Variants in SCAI observed in about 807,000 individuals in gnomAD.
SCAI encodes suppressor of cancer cell invasion.
SCAI carries 24 observed loss-of-function variants against 92.2 expected under a neutral mutation model. The observed-to-expected ratio is 0.26, with a 90% confidence interval of 0.19 to 0.37. The LOEUF is 0.37. SCAI is among the 10% of genes least tolerant of loss of function. SCAI has a pLI of 1.00. For synonymous variants in SCAI, 261 were observed against 258.6 expected, an observed-to-expected ratio of 1.01 and a Z score of -0.09; for missense variants, 450 against 736.2, an observed-to-expected ratio of 0.61 and a Z score of 4.50.
chr9:125,006,905 G>A (rs1176337722), intron 9 of SCAI, among the ~76,000 whole-genome samples: 1 of 152,160 alleles, frequency 6.6e-6, no homozygotes, highest in Non-Finnish European at 1.5e-5. Context: ...AATCACCTAA[G>A]GTCAGGAGTT....
At chr9:125,138,755 G>A (rs894897507) in intron 2 of SCAI, among the ~76,000 whole-genome samples, 13 of 151,974 alleles carry the variant, frequency 8.6e-5, no homozygotes, top group African/African-American at 2.9e-4. Flanking sequence ...CTCCATGTTG[G>A]TCAGGCTGGT....
In SCAI at chr9:125,136,572, C is replaced by T. The variant is rs547240659; in HGVS notation, c.98+6061G>A. ...GCCTCCCAGGTTGAAGCGATTCTCC[C>T]GCCCCAGCCTCCTGAGTAGCTAGGA... On this transcript the variant is annotated intron_variant, in intron 2 of 17. Transcript: ENST00000336505. 1.5e-3 allele frequency among the ~76,000 whole-genome samples: 230 copies of T among 150,536 alleles called. 1 individual carries two copies. Among genetic ancestry groups the T allele is most frequent in the South Asian group, 4.2e-3 (20 of 4,736 alleles).
chr9:124,958,750 C>A (rs28580333), intron 17 of SCAI, among the ~76,000 whole-genome samples: 43 of 151,422 alleles, frequency 2.8e-4, no homozygotes, highest in African/African-American at 1.0e-3. Flanking sequence ...CTACTAAAAA[C>A]AAAAAAATTA....
chr9:125,135,149 A>G (rs1194495710), intron 2 of SCAI, among the ~76,000 whole-genome samples: 1 of 152,182 alleles, frequency 6.6e-6, no homozygotes, highest in Non-Finnish European at 1.5e-5. Context: ...TAAGGGTGCA[A>G]AGATGAACTA....
At position 125,136,838 on chromosome 9, in the gene SCAI, A is replaced by T. The variant is rs943911501; in HGVS notation, c.98+5795T>A. ...GGCTAGAGTGCAGCGATCTCGGCTC[A>T]CTGCAACCTTCTCCCAGGTTCAAGT... On this transcript the variant is annotated intron_variant, in intron 2 of 17. Transcript: ENST00000336505. Among the ~76,000 whole-genome samples the T allele has an allele frequency of 2.7e-5, 4 of 148,510 alleles. No individual in the cohort carries two copies. In the Admixed American group the frequency reaches 2.8e-4, roughly 10 times the overall value.
chr9:125,041,624 G>A (rs1037943974), intron 3 of SCAI, among the ~76,000 whole-genome samples: 1 of 152,142 alleles, frequency 6.6e-6, no homozygotes. Context: ...GGGTTATAAA[G>A]GAACAGGACT....
intron 2 of SCAI, among the ~76,000 whole-genome samples, chr9:125,112,360 G>A (rs538155250): frequency 1.8e-4 from 27 of 152,182 alleles, no homozygotes; most frequent in African/African-American, 5.8e-4. Context: ...AACCAGACAC[G>A]GAAAGAAGAA....
chr9:125,072,804 A>G (rs1216328962), intron 2 of SCAI, among the ~76,000 whole-genome samples: 1 of 152,168 alleles, frequency 6.6e-6, no homozygotes, highest in Non-Finnish European at 1.5e-5. Flanking sequence ...TTTTGTGTCC[A>G]GCTTACTTCA....
chr9:125,014,871 A>C (rs1458918959), intron 9 of SCAI, among the ~76,000 whole-genome samples: 2 of 152,216 alleles, frequency 1.3e-5, no homozygotes, highest in African/African-American at 4.8e-5. Context: ...CCTCAGAAAT[A>C]ACGCCACGTA....
At chr9:125,093,894 G>C (rs143831316) in intron 2 of SCAI, among the ~76,000 whole-genome samples, 2 of 151,918 alleles carry the variant, frequency 1.3e-5, no homozygotes, top group East Asian at 3.9e-4. Context: ...CTACACACTG[G>C]ACTTCTCCCC....
chr9:124,975,545 A>T (rs999825153), intron 15 of SCAI, among the ~76,000 whole-genome samples: 2 of 152,234 alleles, frequency 1.3e-5, no homozygotes, highest in African/African-American at 4.8e-5. Context: ...AAGTCTTTTG[A>T]TTCTCAGCCA....
At chr9:124,990,348 G>A (rs1832093898) in intron 14 of SCAI, among the ~76,000 whole-genome samples, 1 of 152,092 alleles carries the variant, frequency 6.6e-6, no homozygotes, top group Non-Finnish European at 1.5e-5. Flanking sequence ...AATCAGCCAG[G>A]TGTGGTGGCA....
chr9:124,980,641 T>C (rs1019074777), intron 14 of SCAI, among the ~76,000 whole-genome samples: 1 of 152,210 alleles, frequency 6.6e-6, no homozygotes, highest in African/African-American at 2.4e-5. Context: ...AGATAATATT[T>C]AATCCATGTT....
chr9:125,125,238 AT>A (rs1344380969), intron 2 of SCAI, among the ~76,000 whole-genome samples: 2 of 151,908 alleles, frequency 1.3e-5, no homozygotes, highest in African/African-American at 4.8e-5. Flanking sequence ...ATAAAATTAA[AT>A]TTAAAAATGA....
chr9:124,995,035 G>GAACTGTT lies in SCAI; in HGVS notation c.1245-27_1245-21dup, dbSNP rs1401552120. ...TGAAGGCTGGGAAAACAACAACGAA[G>GAACTGTT]AACTGTTAAACTGTGTCAGCCACAT... is the stretch of plus-strand genomic sequence containing the variant. On this transcript the variant is annotated intron_variant, in intron 13 of 17. Transcript: ENST00000336505. The GAACTGTT allele has an allele frequency of 6.4e-7, 1 of 1,562,618 alleles. No homozygotes were observed. Among genetic ancestry groups the GAACTGTT allele is most frequent in the African/African-American group, 1.4e-5 (1 of 73,952 alleles).
chr9:125,026,090 G>C (rs1219110278), intron 6 of SCAI, among the ~76,000 whole-genome samples: 2 of 152,152 alleles, frequency 1.3e-5, no homozygotes, highest in Non-Finnish European at 2.9e-5. Flanking sequence ...CACAATCCAG[G>C]CTGGGTGTGG....
At chr9:125,076,364 T>C (rs1263496102) in intron 2 of SCAI, among the ~76,000 whole-genome samples, 1 of 151,800 alleles carries the variant, frequency 6.6e-6, no homozygotes, top group Non-Finnish European at 1.5e-5. Flanking sequence ...CCAGGCGTGG[T>C]GGCACGCGCC....
At chr9:124,960,137 C>A (rs551189193) in intron 17 of SCAI, among the ~76,000 whole-genome samples, 19 of 152,180 alleles carry the variant, frequency 1.2e-4, no homozygotes, top group African/African-American at 3.9e-4. Flanking sequence ...AAACACATAC[C>A]AATACTATGA....
intron 2 of SCAI, among the ~76,000 whole-genome samples, chr9:125,065,163 G>A (rs911900780): frequency 6.6e-6 from 1 of 151,800 alleles, no homozygotes; most frequent in African/African-American, 2.4e-5. Context: ...ACAAAATAAA[G>A]TTAGTTCTTT....
Sources: gnomAD v4.1 joint callset for allele counts (sites outside exome capture counted in the v4.1 genomes callset) on GRCh38, gnomAD v4.1.1 for gene constraint, MANE v1.5 for transcripts, NCBI Gene and HGNC (gene_info 2026-07-23, HGNC 2026-07-21) for gene names.